Variants in FGGY observed in about 807,000 individuals in gnomAD.
The protein encoded by FGGY is FGGY carbohydrate kinase domain-containing protein.
FGGY carries 72 observed loss-of-function variants against 71.3 expected under a neutral mutation model. That is an observed-to-expected ratio of 1.01 (90% CI 0.84 to 1.23). The LOEUF (loss-of-function observed/expected upper bound fraction) is 1.23, where lower values mean the gene tolerates loss of function less well. FGGY is among the 50% of genes most tolerant of loss of function. The pLI is 0.00. For missense variants in FGGY, 668 were observed against 682.3 expected (o/e 0.98, Z 0.23); for synonymous variants, 251 against 250.3 (o/e 1.00, Z -0.02).
chr1:59,389,559 A>G (rs190874491), intron 5 of FGGY, among the ~76,000 whole-genome samples: 1 of 152,262 alleles, frequency 6.6e-6, no homozygotes, highest in Admixed American at 6.5e-5. Context: ...GTATATAAGT[A>G]TCTTTGGGTC....
At chr1:59,465,775 A>G (rs1316311982) in intron 6 of FGGY, among the ~76,000 whole-genome samples, 1 of 152,238 alleles carries the variant, frequency 6.6e-6, no homozygotes, top group Non-Finnish European at 1.5e-5. Flanking sequence ...AGAGAATAAA[A>G]TACCTAGAAA....
At chr1:59,559,710 G>A (rs1184822356) in intron 8 of FGGY, among the ~76,000 whole-genome samples, 1 of 152,126 alleles carries the variant, frequency 6.6e-6, no homozygotes, top group Non-Finnish European at 1.5e-5. Context: ...AGAAAGTTAG[G>A]AAGTTCTCAA....
At chr1:59,563,482 G>A (rs11207476) in intron 8 of FGGY, among the ~76,000 whole-genome samples, 31,747 of 151,874 alleles carry the variant, frequency 0.21, 4,645 homozygotes, top group African/African-American at 0.41. Flanking sequence ...ACAACTTACA[G>A]GGGATATGAA....
intron 14 of FGGY, among the ~76,000 whole-genome samples, chr1:59,678,738 A>G (rs116418940): frequency 2.7e-3 from 410 of 152,106 alleles, no homozygotes; most frequent in African/African-American, 9.4e-3. Context: ...CAGCAGTGCT[A>G]TTTGTCTTGA....
chr1:59,297,266 C>T (rs1379831569), intron 1 of FGGY, 116 bp downstream of exon 1: 1 of 152,420 alleles, frequency 6.6e-6, no homozygotes, highest in Non-Finnish European at 1.5e-5. Flanking sequence ...TCAGTGCCCA[C>T]TTATCTGTAT....
intron 1 of FGGY, among the ~76,000 whole-genome samples, chr1:59,300,837 G>T (rs1028446697): frequency 6.6e-6 from 1 of 152,084 alleles, no homozygotes; most frequent in Non-Finnish European, 1.5e-5. Context: ...TTGATCTCTT[G>T]TCTATTTTAA....
chr1:59,605,962 C>A (rs2096619779), intron 8 of FGGY, among the ~76,000 whole-genome samples: 1 of 152,130 alleles, frequency 6.6e-6, no homozygotes, highest in Admixed American at 6.5e-5. Flanking sequence ...TCTTCCCTAC[C>A]CTCTAGCTAA....
At chr1:59,598,569 C>T (rs1056237046) in intron 8 of FGGY, among the ~76,000 whole-genome samples, 8 of 152,274 alleles carry the variant, frequency 5.3e-5, no homozygotes, top group African/African-American at 1.9e-4. Context: ...GCCCTCCCCA[C>T]CCACTCAGAT....
At chr1:59,395,094 T>C (rs1300606014) in intron 5 of FGGY, among the ~76,000 whole-genome samples, 1 of 152,124 alleles carries the variant, frequency 6.6e-6, no homozygotes, top group Non-Finnish European at 1.5e-5. Context: ...TGTTTCATTT[T>C]TCCTATAGTT....
At chr1:59,558,822 C>T (rs940562712) in intron 8 of FGGY, among the ~76,000 whole-genome samples, 9 of 102,834 alleles carry the variant, frequency 8.8e-5, no homozygotes, top group Admixed American at 2.0e-4. Flanking sequence ...CCCAGAGTGG[C>T]TTTTATAGAC....
At chr1:59,656,185 A>T (rs1439925264) in intron 11 of FGGY, among the ~76,000 whole-genome samples, 1 of 152,172 alleles carries the variant, frequency 6.6e-6, no homozygotes, top group Non-Finnish European at 1.5e-5. Flanking sequence ...TTCCCTACAC[A>T]TTTGTCTGTC....
chr1:59,423,685 G>A (rs1230403755), intron 5 of FGGY, among the ~76,000 whole-genome samples: 4 of 152,074 alleles, frequency 2.6e-5, no homozygotes, highest in Non-Finnish European at 5.9e-5. Context: ...ACCCTTCCTG[G>A]TCTGGCCCTG....
chr1:59,504,130 A>G (rs755541991), intron 6 of FGGY, among the ~76,000 whole-genome samples: 6 of 152,190 alleles, frequency 3.9e-5, no homozygotes, highest in Non-Finnish European at 8.8e-5. Context: ...CAGGGTTTGG[A>G]GAGCTTTTTG....
intron 8 of FGGY, among the ~76,000 whole-genome samples, chr1:59,598,971 T>C (rs1052368749): frequency 2.0e-5 from 3 of 152,216 alleles, no homozygotes; most frequent in Non-Finnish European, 4.4e-5. Flanking sequence ...CAAGCTACAA[T>C]ACAGGAATTA....
intron 9 of FGGY, among the ~76,000 whole-genome samples, chr1:59,610,688 A>G (rs866725837): frequency 3.2e-4 from 48 of 152,250 alleles, no homozygotes; most frequent in African/African-American, 1.1e-3. Flanking sequence ...TGCAGCCCAC[A>G]GACCGTGAGC....
chr1:59,407,799 T>A lies in FGGY; in HGVS notation c.554+28962T>A, dbSNP rs116725200. Among the ~76,000 whole-genome samples, 957 of 152,146 alleles carry A rather than the reference T, an allele frequency of 6.3e-3. 2 individuals are homozygous for A. The highest frequency in any genetic ancestry group is 0.012 in the South Asian group (57 of 4,818). ...CAAGCCATGGCTGCACCCCCTGAAG[T>A]GTGGATTAACAGAAAGGCCTTCAGA... On this transcript the variant is annotated intron_variant, in intron 5 of 15. Coordinates refer to ENST00000303721, the MANE Select transcript of FGGY (RefSeq NM_018291.5).
intron 12 of FGGY, among the ~76,000 whole-genome samples, chr1:59,664,019 T>G (rs538024798): frequency 2.2e-4 from 33 of 152,314 alleles, no homozygotes; most frequent in Non-Finnish European, 4.3e-4. Context: ...AAACCCTCCA[T>G]GAAGTAAAAT....
chr1:59,619,208 T>TAG (rs1293521903), intron 9 of FGGY, among the ~76,000 whole-genome samples: 2 of 152,068 alleles, frequency 1.3e-5, no homozygotes, highest in African/African-American at 4.8e-5. Flanking sequence ...GTGCTTACTA[T>TAG]ATTTGAGGTA....
Position 59,417,795 on chromosome 1 carries a change from G to A in FGGY, c.554+38958G>A, listed in dbSNP as rs11576322. Among the ~76,000 whole-genome samples the A allele has an allele frequency of 2.2e-3, 342 of 152,184 alleles. 8 individuals are homozygous for A. In the East Asian group the frequency reaches 0.06, roughly 27 times the overall value. ...CATATGCCCATTATAAAATTGGATT[G>A]TCTTTTTATTGTTGAATTATAATAG... On this transcript the variant is annotated intron_variant, in intron 5 of 15. Coordinates refer to ENST00000303721, the MANE Select transcript of FGGY (RefSeq NM_018291.5).
Sources: allele counts gnomAD v4.1 joint callset (sites outside exome capture counted in the v4.1 genomes callset), GRCh38; gene constraint gnomAD v4.1.1; transcripts MANE v1.5; gene names NCBI Gene and HGNC (gene_info 2026-07-23, HGNC 2026-07-21).